Variants in SPAG16 observed in about 807,000 individuals in gnomAD.
The protein encoded by SPAG16 is sperm-associated antigen 16 protein.
A neutral mutation model predicts 80.4 loss-of-function variants in SPAG16; 86 were observed. That is an observed-to-expected ratio of 1.07 (90% confidence interval 0.90 to 1.28). The LOEUF (loss-of-function observed/expected upper bound fraction) is 1.28, where lower values mean the gene tolerates loss of function less well. Among genes scored for constraint, SPAG16 ranks in the 50% most tolerant of loss-of-function variants. The pLI is 0.00. For missense variants in SPAG16, 870 were observed against 765.3 expected (o/e 1.14, Z -1.61); for synonymous variants, 294 against 265.9 (o/e 1.11, Z -1.03).
chr2:213,767,113 A>G (rs1393274708), intron 10 of SPAG16, among the ~76,000 whole-genome samples: 6 of 152,190 alleles, frequency 3.9e-5, no homozygotes, highest in African/African-American at 1.4e-4. Flanking sequence ...TCATCATGTC[A>G]TTCTTCAAAG....
At chr2:213,322,496 CT>C (rs561271815) in intron 5 of SPAG16, among the ~76,000 whole-genome samples, 1 of 151,882 alleles carries the variant, frequency 6.6e-6, no homozygotes, top group African/African-American at 2.4e-5. Flanking sequence ...ATTTAGCAGT[CT>C]TTTTTTTCCA....
intron 15 of SPAG16, among the ~76,000 whole-genome samples, chr2:214,204,154 C>T (rs1426906720): frequency 6.6e-6 from 1 of 152,184 alleles, no homozygotes; most frequent in Non-Finnish European, 1.5e-5. Context: ...ACCCCCACCC[C>T]CACAGCAGCT....
At chr2:214,075,014 A>G (rs2050998320) in intron 13 of SPAG16, among the ~76,000 whole-genome samples, 1 of 152,192 alleles carries the variant, frequency 6.6e-6, no homozygotes, top group Admixed American at 6.5e-5. Context: ...ATAGCTTCAT[A>G]CGTTGAAATA....
intron 13 of SPAG16, among the ~76,000 whole-genome samples, chr2:214,039,472 C>G (rs796135611): frequency 6.6e-6 from 1 of 152,172 alleles, no homozygotes; most frequent in Non-Finnish European, 1.5e-5. Context: ...AACTAAAGAG[C>G]TTCTGCACAG....
At chr2:213,289,047 G>A (rs1011116245) in intron 1 of SPAG16, among the ~76,000 whole-genome samples, 7 of 152,186 alleles carry the variant, frequency 4.6e-5, no homozygotes, top group African/African-American at 1.4e-4. Context: ...GTGTCCTTTA[G>A]TCAGGCGTTA....
rs192742561 is a variant in SPAG16 at position 214,405,657 on chromosome 2, C to T, written c.1721-4483C>T. Among the ~76,000 whole-genome samples the T allele has an allele frequency of 1.4e-4, 21 of 152,074 alleles. 1 individual carries two copies. The East Asian group carries it at 4.1e-3, about 30-fold the overall frequency. On this transcript the variant is annotated intron_variant, in intron 15 of 15. Transcript: ENST00000331683. ...CTAAAAATACAAAAAATTAGCTGGCCGTGGTGGCAGGCATCTATAATCCCA... is the reference window on the plus strand; with the variant it reads ...CTAAAAATACAAAAAATTAGCTGGCTGTGGTGGCAGGCATCTATAATCCCA...
chr2:213,746,897 T>C (rs1294828654), intron 10 of SPAG16, among the ~76,000 whole-genome samples: 1 of 152,250 alleles, frequency 6.6e-6, no homozygotes, highest in Non-Finnish European at 1.5e-5. Flanking sequence ...TCCTGGTTTA[T>C]GTATTTACTG....
intron 15 of SPAG16, among the ~76,000 whole-genome samples, chr2:214,353,291 AG>A (rs994901497): frequency 2.4e-4 from 36 of 150,336 alleles, no homozygotes; most frequent in Non-Finnish European, 3.1e-4. Context: ...AAAATTACTG[AG>A]GAAAAAAAAT....
intron 15 of SPAG16, among the ~76,000 whole-genome samples, chr2:214,372,891 T>C (rs1280927843): frequency 6.6e-6 from 1 of 152,106 alleles, no homozygotes. Context: ...AGATTAGAAA[T>C]AAAACTTGTA....
chr2:214,390,393 A>C (rs1163323381), intron 15 of SPAG16, among the ~76,000 whole-genome samples: 1 of 150,336 alleles, frequency 6.7e-6, no homozygotes, highest in South Asian at 2.1e-4. Flanking sequence ...ATACCCATGT[A>C]ATTATAATGA....
chr2:214,037,353 A>G (rs970810692), intron 13 of SPAG16, among the ~76,000 whole-genome samples: 8 of 152,016 alleles, frequency 5.3e-5, no homozygotes, highest in African/African-American at 1.9e-4. Flanking sequence ...ATGACCTTTT[A>G]CCTTTTTTAT....
chr2:213,702,491 C>A (rs1051356413), intron 10 of SPAG16, among the ~76,000 whole-genome samples: 2 of 152,210 alleles, frequency 1.3e-5, no homozygotes, highest in African/African-American at 4.8e-5. Flanking sequence ...ACAAACAACT[C>A]CAGCCACACC....
At chr2:213,488,253 C>G (rs1263998638) in intron 9 of SPAG16, among the ~76,000 whole-genome samples, 5 of 152,092 alleles carry the variant, frequency 3.3e-5, no homozygotes, top group Admixed American at 6.5e-5. Context: ...TGTGTGTATG[C>G]ACGTGTGTGT....
intron 15 of SPAG16, among the ~76,000 whole-genome samples, chr2:214,209,671 A>C (rs2058237630): frequency 6.6e-6 from 1 of 152,128 alleles, no homozygotes; most frequent in South Asian, 2.1e-4. Flanking sequence ...TACCAATTTG[A>C]CTAGTGCTCC....
chr2:214,152,816 A>C (rs1264463889), intron 15 of SPAG16, among the ~76,000 whole-genome samples: 2 of 152,192 alleles, frequency 1.3e-5, no homozygotes, highest in African/African-American at 4.8e-5. Context: ...CCTGCCTGGC[A>C]GCCAAGGCAG....
intron 13 of SPAG16, among the ~76,000 whole-genome samples, chr2:214,059,186 C>CTCTA (rs1553706143): frequency 2.3e-4 from 26 of 114,378 alleles, no homozygotes; most frequent in African/African-American, 8.1e-4. Context: ...CTCTCTCTGT[C>CTCTA]TATATATATA....
At position 214,149,096 on chromosome 2, in the gene SPAG16, T is replaced by TATATATATATAC. The variant is rs3043764; in HGVS notation, c.1594-43_1594-42insTATATATATACA. ...GTGTGTGTATATATATATATATATA[T>TATATATATATAC]ACATACATACACATTTTATTTTTGT... On this transcript the variant is annotated intron_variant, in intron 14 of 15. Transcript: ENST00000331683. The TATATATATATAC allele has an allele frequency of 3.3e-3, 2,471 of 749,664 alleles. 82 individuals carry two copies. In the East Asian group the frequency reaches 0.045, roughly 14 times the overall value. The allele number at this position is 749,664 out of a possible 1,614,324, so 46.4% of individuals were successfully genotyped here.
At chr2:213,333,421 T>C (rs1202078846) in intron 5 of SPAG16, among the ~76,000 whole-genome samples, 1 of 152,088 alleles carries the variant, frequency 6.6e-6, no homozygotes, top group Non-Finnish European at 1.5e-5. Context: ...AAAATGTCCA[T>C]ACTACCCTAA....
At chr2:213,677,969 C>G (rs2064177625) in intron 10 of SPAG16, among the ~76,000 whole-genome samples, 2 of 151,930 alleles carry the variant, frequency 1.3e-5, no homozygotes, top group South Asian at 2.1e-4. Context: ...GAAACTCACT[C>G]AAAACCGCTC....
Sources: gnomAD v4.1 joint callset for allele counts (sites outside exome capture counted in the v4.1 genomes callset) on GRCh38, gnomAD v4.1.1 for gene constraint, MANE v1.5 for transcripts, NCBI Gene and HGNC (gene_info 2026-07-23, HGNC 2026-07-21) for gene names.